GPR35: variants seen among roughly 807,000 people sequenced by gnomAD.
GPR35 encodes the protein G protein-coupled receptor 35.
For synonymous variants in GPR35, 207 were observed against 198.4 expected (o/e 1.04, Z -0.36); for missense variants, 372 against 422.5 (o/e 0.88, Z 1.05).
At chr2:240,626,472 T>TG (rs2043380282) in intron 1 of GPR35, among the ~76,000 whole-genome samples, 1 of 144,036 alleles carries the variant, frequency 6.9e-6, no homozygotes, top group Non-Finnish European at 1.5e-5. Flanking sequence ...GAGGCTGTGT[T>TG]GGGGTCTCAG....
intron 2 of GPR35, chr2:240,607,062 A>G (rs2043141891): frequency 2.6e-5 from 4 of 152,346 alleles, no homozygotes; most frequent in South Asian, 2.1e-4. Context: ...AAGCAAAACC[A>G]TTGGGGCATG....
At chr2:240,614,874 CTATA>C (rs143329562) in intron 2 of GPR35, among the ~76,000 whole-genome samples, 2,630 of 151,944 alleles carry the variant, frequency 0.017, 64 homozygotes, top group African/African-American at 0.06. Context: ...TATGTAGTAT[CTATA>C]TATATGTGTA....
At chr2:240,620,549 TG>T (rs984260479), upstream of GPR35, among the ~76,000 whole-genome samples, 4 of 152,052 alleles carry the variant, frequency 2.6e-5, no homozygotes, top group African/African-American at 9.7e-5. Flanking sequence ...GCCCCCATCG[TG>T]GTCCTCTCAG....
At position 240,629,997 on chromosome 2, in the gene GPR35, G is replaced by A. The variant is rs758180346; in HGVS notation, c.45G>A (p.Trp15Ter). ...YNTCGSSDLT[W>*]PPAIKLGFYA... ...CCTGTGGCTCCAGCGACCTCACCTG[G>A]CCCCCAGCGATCAAGCTGGGCTTCT... The change falls in exon 2 of 2, where the codon TGG (tryptophan) becomes TGA (stop). Residue 15 changes from tryptophan (W) to a stop codon, truncating the protein, a stop_gained. Transcript: ENST00000407714. LOFTEE classifies it low-confidence loss of function (END_TRUNC). The A allele has an allele frequency of 6.1e-5, 98 of 1,611,296 alleles. 1 individual carries two copies. The Admixed American group carries it at 1.6e-3, about 27-fold the overall frequency.
chr2:240,620,726 G>T (rs2043284441), upstream of GPR35, among the ~76,000 whole-genome samples: 1 of 152,110 alleles, frequency 6.6e-6, no homozygotes, highest in African/African-American at 2.4e-5. Context: ...GGCTGGAGGG[G>T]ACCTTAGGCC....
chr2:240,616,741 TA>T (rs767683322), intron 3 of GPR35, among the ~76,000 whole-genome samples: 73 of 99,924 alleles, frequency 7.3e-4, no homozygotes, highest in Non-Finnish European at 8.4e-4. Context: ...AACAATACAG[TA>T]AAAAAAAAAA....
In GPR35 at chr2:240,629,900, C is replaced by A. The variant is rs1392938633; in HGVS notation, c.-4-49C>A. ...TGGGCAGAGTGGGGGCAGTGCCTTG[C>A]TCCCCCTGCTCACTCTCTGCTGACC... On this transcript the variant is annotated intron_variant, in intron 1 of 1. Transcript: ENST00000407714. 4.0e-6 allele frequency: 6 copies of A among 1,497,372 alleles called. No homozygotes were observed. The South Asian group carries it at 4.9e-5, about 12-fold the overall frequency. The allele number at this position is 1,497,372 out of a possible 1,614,324, so 92.8% of individuals were successfully genotyped here.
At chr2:240,606,803 G>A (rs2043139095) in intron 2 of GPR35, among the ~76,000 whole-genome samples, 1 of 152,226 alleles carries the variant, frequency 6.6e-6, no homozygotes, top group South Asian at 2.1e-4. Flanking sequence ...TGAGGCTGGA[G>A]ATGTAAGCAG....
chr2:240,609,908 C>T (rs750713518), intron 2 of GPR35, among the ~76,000 whole-genome samples: 6 of 151,744 alleles, frequency 4.0e-5, no homozygotes, highest in Non-Finnish European at 7.4e-5. Context: ...GGTACATACA[C>T]ATTTAGAATT....
chr2:240,616,427 A>G (rs757168093), exon 3 of GPR35: 1 of 780,424 alleles, frequency 1.3e-6, no homozygotes, highest in South Asian at 1.3e-5. Flanking sequence ...CTGGACTTGC[A>G]AAGTCCAGCC....
chr2:240,629,883 G>A, intron 1 of GPR35, 66 bp from the exon 2 acceptor site: 2 of 1,391,260 alleles, frequency 1.4e-6, no homozygotes, highest in Non-Finnish European at 2.0e-6. Context: ...GGTGGGCAGA[G>A]TGGGGGCAGT....
chr2:240,623,779 C>T (rs1212400639), upstream of GPR35, among the ~76,000 whole-genome samples: 1 of 152,132 alleles, frequency 6.6e-6, no homozygotes, highest in African/African-American at 2.4e-5. Context: ...CAGAGACAGT[C>T]AGAGTCTCTA....
chr2:240,618,221 C>A (rs2043258396), intron 4 of GPR35, among the ~76,000 whole-genome samples: 1 of 152,208 alleles, frequency 6.6e-6, no homozygotes, highest in South Asian at 2.1e-4. Context: ...CATAGTTATT[C>A]ATTTGTTTTA....
rs2043465969 is a variant in GPR35 at position 240,633,028 on chromosome 2, C to A, written c.*2146C>A. 1.3e-5 allele frequency among the ~76,000 whole-genome samples: 2 copies of A among 152,214 alleles called. No individual in the cohort carries two copies. The highest frequency in any genetic ancestry group is 1.5e-5 in the Non-Finnish European group (1 of 68,042). On this transcript the variant is annotated 3_prime_UTR_variant, in exon 2 of 2. Coordinates refer to ENST00000407714, the MANE Select transcript of GPR35 (RefSeq NM_005301.5). ...GTTTTATAAGGGGCTCTTCCCTTCACTTCTCCTTCCTACTGTCTTATGAAG... is the reference window on the plus strand; with the variant it reads ...GTTTTATAAGGGGCTCTTCCCTTCAATTCTCCTTCCTACTGTCTTATGAAG...
upstream of GPR35, among the ~76,000 whole-genome samples, chr2:240,621,074 G>A (rs2043287998): frequency 6.6e-6 from 1 of 152,112 alleles, no homozygotes; most frequent in African/African-American, 2.4e-5. Flanking sequence ...CGAGAAGAGG[G>A]AGGTGTACTC....
chr2:240,630,943 G>A lies in GPR35; in HGVS notation c.*61G>A. The A allele has an allele frequency of 7.0e-7, 1 of 1,422,258 alleles. No homozygotes were observed. The highest frequency in any genetic ancestry group is 9.7e-7 in the Non-Finnish European group (1 of 1,026,296). 88.1% of individuals were successfully genotyped at this position (1,422,258 alleles called of 1,614,324 possible). A position where few individuals can be genotyped will look rare whatever the true frequency, so the allele number is the denominator to read the frequency against. On this transcript the variant is annotated 3_prime_UTR_variant, in exon 2 of 2. Coordinates refer to ENST00000407714, the MANE Select transcript of GPR35 (RefSeq NM_005301.5). ...GGGCTCCGGGAGGTGCTGCCTGCCA[G>A]GGGAAGCTGGAACCAGTAGCAAGGA... is the stretch of plus-strand genomic sequence containing the variant.
At chr2:240,622,171 C>A (rs548009501), upstream of GPR35, among the ~76,000 whole-genome samples, 8 of 152,180 alleles carry the variant, frequency 5.3e-5, no homozygotes, top group African/African-American at 1.9e-4. Flanking sequence ...TGAGCCACCG[C>A]GTCCGGCCAA....
chr2:240,624,708 A>C (rs987534735), upstream of GPR35, among the ~76,000 whole-genome samples: 12 of 152,206 alleles, frequency 7.9e-5, no homozygotes, highest in Non-Finnish European at 1.6e-4. Flanking sequence ...TCCTGCCCTC[A>C]GGGTGGACAG....
At chr2:240,626,352 G>A (rs1014669346) in intron 1 of GPR35, among the ~76,000 whole-genome samples, 8 of 77,752 alleles carry the variant, frequency 1.0e-4, no homozygotes, top group Non-Finnish European at 2.5e-4. Flanking sequence ...GGGTGAGGCT[G>A]TGACGGGGTC....
Sources: gnomAD v4.1 joint callset for allele counts (sites outside exome capture counted in the v4.1 genomes callset) on GRCh38, gnomAD v4.1.1 for gene constraint, MANE v1.5 for transcripts, NCBI Gene and HGNC (gene_info 2026-07-23, HGNC 2026-07-21) for gene names.